Variants in CBX7 observed in about 807,000 individuals in gnomAD.
CBX7 encodes the protein chromobox protein homolog 7.
Under a neutral mutation model 31.4 loss-of-function variants are expected in CBX7, and 14 were observed. The observed-to-expected ratio is 0.45, with a 90% CI of 0.29 to 0.70. CBX7 has a LOEUF of 0.70. Among genes scored for constraint, CBX7 ranks in the 30% least tolerant of loss-of-function variants. The pLI is 0.11. For missense variants in CBX7, 269 were observed against 351.9 expected (o/e 0.76, Z 1.89); for synonymous variants, 159 against 152.6 (o/e 1.04, Z -0.31).
intron 1 of CBX7, among the ~76,000 whole-genome samples, chr22:39,151,546 C>G (rs1244100988): frequency 2.0e-5 from 3 of 152,172 alleles, no homozygotes; most frequent in Admixed American, 6.5e-5. Flanking sequence ...TGGAGCCTCC[C>G]AAAGGGCTGC....
chr22:39,145,229 G>A (rs1930603525), intron 2 of CBX7, among the ~76,000 whole-genome samples: 1 of 152,192 alleles, frequency 6.6e-6, no homozygotes, highest in African/African-American at 2.4e-5. Flanking sequence ...GGGCAGGGGC[G>A]GCACCAGCAT....
At chr22:39,146,500 C>A (rs1930666131) in intron 2 of CBX7, among the ~76,000 whole-genome samples, 1 of 152,228 alleles carries the variant, frequency 6.6e-6, no homozygotes, top group Non-Finnish European at 1.5e-5. Context: ...TGTAAACCTT[C>A]AGAGGTGGAA....
At chr22:39,151,297 G>A (rs1930842780) in intron 1 of CBX7, among the ~76,000 whole-genome samples, 1 of 152,212 alleles carries the variant, frequency 6.6e-6, no homozygotes, top group African/African-American at 2.4e-5. Flanking sequence ...AAGCACAGCT[G>A]GAGGAAGAAA....
intron 2 of CBX7, among the ~76,000 whole-genome samples, chr22:39,145,731 G>A (rs1003960094): frequency 2.0e-5 from 3 of 150,750 alleles, no homozygotes; most frequent in South Asian, 2.1e-4. Flanking sequence ...GGGCGGGGGC[G>A]GGGGCGGGGA....
At chr22:39,137,267 A>G (rs714013) in intron 4 of CBX7, among the ~76,000 whole-genome samples, 104,019 of 150,318 alleles carry the variant, frequency 0.69, 37,053 homozygotes, top group African/African-American at 0.9. Flanking sequence ...GCTCCAATGA[A>G]CACTTCCTTT....
intron 2 of CBX7, 122 bp downstream of exon 2, chr22:39,149,667 A>C: frequency 1.2e-6 from 1 of 808,948 alleles, no homozygotes; most frequent in Non-Finnish European, 2.1e-6. Context: ...AATCAAGGTC[A>C]GCTGTCCAGT....
intron 2 of CBX7, among the ~76,000 whole-genome samples, chr22:39,144,465 G>A (rs940563798): frequency 6.6e-6 from 1 of 152,170 alleles, no homozygotes; most frequent in African/African-American, 2.4e-5. Context: ...ATCACTAATG[G>A]ACCAGGAAAC....
intron 2 of CBX7, among the ~76,000 whole-genome samples, chr22:39,144,520 C>T (rs1162492596): frequency 6.6e-6 from 1 of 152,132 alleles, no homozygotes; most frequent in Non-Finnish European, 1.5e-5. Context: ...CTCAGGCCCG[C>T]CCGGGGCTCT....
intron 3 of CBX7, among the ~76,000 whole-genome samples, chr22:39,138,931 A>AG (rs555927157): frequency 7.9e-5 from 12 of 152,160 alleles, no homozygotes; most frequent in Non-Finnish European, 1.8e-4. Flanking sequence ...GCAACTGCTG[A>AG]GGGGGGACTT....
chr22:39,139,317 G>A (rs1330335852), intron 3 of CBX7, among the ~76,000 whole-genome samples: 3 of 152,172 alleles, frequency 2.0e-5, no homozygotes, highest in Non-Finnish European at 4.4e-5. Context: ...GGGTGCGGTG[G>A]CTCACGCCTG....
chr22:39,131,000 G>A lies in CBX7; in HGVS notation c.*2891C>T, dbSNP rs936126721. On this transcript the variant is annotated 3_prime_UTR_variant, in exon 6 of 6. Coordinates refer to ENST00000216133, the MANE Select transcript of CBX7 (RefSeq NM_175709.5). ...GACCCCTCCCAGATACATTCATTTA[G>A]TCTGAACAAAGCTCGAAGCTCATTC... The A allele has an allele frequency of 6.6e-6, 1 of 152,610 alleles. No homozygotes were observed. Among genetic ancestry groups the A allele is most frequent in the Admixed American group, 6.5e-5 (1 of 15,278 alleles). 9.5% of individuals were successfully genotyped at this position (152,610 alleles called of 1,614,324 possible). A position where few individuals can be genotyped will look rare whatever the true frequency, so the allele number is the denominator to read the frequency against.
rs1333902844 is a variant in CBX7, at chr22:39,134,542, G to A, written c.457C>T (p.Arg153Cys). The A allele has an allele frequency of 3.1e-6, 5 of 1,610,170 alleles. No individual in the cohort carries two copies. The highest frequency in any genetic ancestry group is 1.3e-5 in the African/African-American group (1 of 75,042). ...RKAHKYLRLS[R>C]KKFPPRGPNL... ...GGCCCGCGGGGCGGGAACTTCTTGC[G>A]CGAGAGCCGCAGGTACTTGTGGGCC... Residue 153 changes from arginine (R) to cysteine (C), a missense_variant, in exon 5 of 6, where the codon CGC becomes TGC. By Grantham distance (180) the Arg-to-Cys change is radical (BLOSUM62 -3). This residue lies in a region of CBX7 where 222 missense variants were observed against 240.4 expected (regional missense o/e 0.92). Coordinates refer to ENST00000216133, the MANE Select transcript of CBX7 (RefSeq NM_175709.5).
At chr22:39,139,157 C>T (rs192552242) in intron 3 of CBX7, among the ~76,000 whole-genome samples, 36 of 152,328 alleles carry the variant, frequency 2.4e-4, no homozygotes, top group Middle Eastern at 3.4e-3. Context: ...CAGACTCCCC[C>T]GAATTTGGGA....
At chr22:39,150,786 T>A (rs1198003778) in intron 1 of CBX7, among the ~76,000 whole-genome samples, 1 of 151,480 alleles carries the variant, frequency 6.6e-6, no homozygotes, top group Non-Finnish European at 1.5e-5. Context: ...AAAAAAAAGT[T>A]TACAGTCCAA....
intron 2 of CBX7, among the ~76,000 whole-genome samples, chr22:39,146,390 G>T (rs1334413812): frequency 6.6e-6 from 1 of 152,236 alleles, no homozygotes. Flanking sequence ...TCTTGTCTCA[G>T]GCAATCTTCA....
Position 39,149,842 on chromosome 22 carries a change from G to C in CBX7, c.70-10C>G. The C allele has an allele frequency of 6.2e-6, 10 of 1,613,448 alleles. No homozygotes were observed. The highest frequency in any genetic ancestry group is 1.1e-5 in the South Asian group (1 of 91,062). ...GATACTCGACTTTACCCTGAGAAGA[G>C]AGAGAAGCAGACACAGTGAGTCTCG... On this transcript the variant is annotated splice_polypyrimidine_tract_variant and intron_variant, in intron 1 of 5. Transcript: ENST00000216133.
Position 39,133,681 on chromosome 22 carries a change from A to G in CBX7, c.*210T>C. On this transcript the variant is annotated 3_prime_UTR_variant, in exon 6 of 6. Coordinates refer to ENST00000216133, the MANE Select transcript of CBX7 (RefSeq NM_175709.5). ...CTGGGGGTGGTACCCCAACTCCCAG[A>G]GCAACTCTCTCCATCCCCAGCCTGA... 2 of 479,586 alleles carry G rather than the reference A, an allele frequency of 4.2e-6. No individual in the cohort carries two copies. The highest frequency in any genetic ancestry group is 3.6e-6 in the Non-Finnish European group (1 of 274,192). The allele number at this position is 479,586 out of a possible 1,614,324, so 29.7% of individuals were successfully genotyped here. A position where few individuals can be genotyped will look rare whatever the true frequency, so the allele number is the denominator to read the frequency against.
rs1370065145 is a variant in CBX7, at chr22:39,130,813, T to A, written c.*3078A>T. 6.6e-6 allele frequency: 1 copy of A among 152,578 alleles called. No individual in the cohort carries two copies. The highest frequency in any genetic ancestry group is 2.4e-5 in the African/African-American group (1 of 41,430). The allele number at this position is 152,578 out of a possible 1,614,324, so 9.5% of individuals were successfully genotyped here. A position where few individuals can be genotyped will look rare whatever the true frequency, so the allele number is the denominator to read the frequency against. On this transcript the variant is annotated 3_prime_UTR_variant, in exon 6 of 6. Coordinates refer to ENST00000216133, the MANE Select transcript of CBX7 (RefSeq NM_175709.5). The stretch of plus-strand genomic sequence containing the variant: ...TCATCTTTAATGTATTTTTAATAAT[T>A]TTTTTGCCTCATTTACCAGATAAAT...
At chr22:39,143,075 G>A (rs1930516389) in intron 2 of CBX7, among the ~76,000 whole-genome samples, 1 of 152,114 alleles carries the variant, frequency 6.6e-6, no homozygotes, top group East Asian at 1.9e-4. Context: ...CCAACGTGGA[G>A]AAACCCCATC....
Sources: allele counts gnomAD v4.1 joint callset (sites outside exome capture counted in the v4.1 genomes callset), GRCh38; gene constraint gnomAD v4.1.1; regional missense constraint gnomAD v4.1.1; transcripts MANE v1.5; gene names NCBI Gene and HGNC (gene_info 2026-07-23, HGNC 2026-07-21).